RRBP1: variants seen among roughly 807,000 people sequenced by gnomAD.
RRBP1 encodes ribosome-binding protein 1.
Under a neutral mutation model 165.2 loss-of-function variants are expected in RRBP1, and 94 were observed. The observed-to-expected ratio is 0.57, with a 90% CI of 0.48 to 0.68. The LOEUF is 0.68. Among genes scored for constraint, RRBP1 ranks in the 30% least tolerant of loss-of-function variants. The pLI, the probability that RRBP1 is intolerant of heterozygous loss-of-function variation, is 0.00. For missense variants in RRBP1, 1,676 were observed against 1,763.0 expected (o/e 0.95, Z 0.88); for synonymous variants, 680 against 714.5 (o/e 0.95, Z 0.77).
chr20:17,675,978 CAGG>C (rs1257672445), intron 2 of RRBP1, among the ~76,000 whole-genome samples: 2 of 152,224 alleles, frequency 1.3e-5, no homozygotes, highest in Non-Finnish European at 2.9e-5. Context: ...GTGGCCAAGG[CAGG>C]AGGACTCCTT....
chr20:17,641,737 G>C lies in RRBP1; in HGVS notation c.2184+60C>G, dbSNP rs942838815. ...GGAGCCCGGGATCCACCGTGGATGG[G>C]GCGGGGGTCCTCTGAGGACGGGAGA... is the stretch of plus-strand genomic sequence containing the variant. On this transcript the variant is annotated intron_variant, in intron 5 of 24. Coordinates refer to ENST00000377813, the MANE Select transcript of RRBP1 (RefSeq NM_001365613.2). 1.9e-6 allele frequency: 3 copies of C among 1,598,592 alleles called. No homozygotes were observed. In the African/African-American group the frequency reaches 4.0e-5, roughly 21 times the overall value.
Position 17,620,390 on chromosome 20 carries a change from C to T in RRBP1, c.3508-20G>A, listed in dbSNP as rs780406269. Reference sequence around the variant, plus strand: ...CCGGGACTACAAAGCAAGGGGAAGGCTCCGTCAGACACGAGCACCTGGGGG... The same window carrying T: ...CCGGGACTACAAAGCAAGGGGAAGGTTCCGTCAGACACGAGCACCTGGGGG... On this transcript the variant is annotated intron_variant, in intron 17 of 24. Transcript: ENST00000377813. 5.0e-6 allele frequency: 8 copies of T among 1,604,994 alleles called. 1 individual carries two copies. The Middle Eastern group carries it at 8.3e-4, about 166-fold the overall frequency.
At chr20:17,680,347 C>A (rs1030832815) in intron 1 of RRBP1, among the ~76,000 whole-genome samples, 1 of 152,146 alleles carries the variant, frequency 6.6e-6, no homozygotes, top group African/African-American at 2.4e-5. Flanking sequence ...ACACCCAGTT[C>A]TGAAGAGGTA....
intron 17 of RRBP1, 125 bp downstream of exon 17, chr20:17,620,590 T>C (rs779540145): frequency 1.8e-5 from 15 of 820,178 alleles, no homozygotes; most frequent in Admixed American, 9.9e-5. Flanking sequence ...CTGTGCTTCA[T>C]AGGGTGTCGT....
At chr20:17,657,571 AAAAAG>A (rs1040726747) in intron 3 of RRBP1, among the ~76,000 whole-genome samples, 3 of 152,128 alleles carry the variant, frequency 2.0e-5, no homozygotes, top group African/African-American at 4.8e-5. Flanking sequence ...AAAGAAAGGA[AAAAAG>A]AAAAGAAAAG....
chr20:17,646,639 C>A (rs905129383), intron 3 of RRBP1, among the ~76,000 whole-genome samples: 3 of 152,198 alleles, frequency 2.0e-5, no homozygotes, highest in African/African-American at 4.8e-5. Flanking sequence ...GCATGGCCGG[C>A]CTTCAAGCAG....
chr20:17,628,842 T>A (rs1419296764), intron 9 of RRBP1, among the ~76,000 whole-genome samples: 2 of 152,224 alleles, frequency 1.3e-5, no homozygotes, highest in Non-Finnish European at 2.9e-5. Flanking sequence ...CCTCCATTTT[T>A]CCAAGTGATA....
At chr20:17,662,045 G>A (rs1196245104) in intron 2 of RRBP1, among the ~76,000 whole-genome samples, 1 of 152,142 alleles carries the variant, frequency 6.6e-6, no homozygotes, top group Non-Finnish European at 1.5e-5. Flanking sequence ...GGCAGATCAC[G>A]AGGTCAGGAG....
Position 17,658,755 on chromosome 20 carries a change from T to C in RRBP1, c.1753A>G (p.Asn585Asp), listed in dbSNP as rs1398322234. ...SEGKKAEGSPNQGKKADAAAN... is the reference protein window; with the variant it reads ...SEGKKAEGSPDQGKKADAAAN... The stretch of plus-strand genomic sequence containing the variant: ...GCTGCGTCTGCCTTTTTGCCTTGGT[T>C]GGGGGACCCTTCTGCCTTTTTGCCT... The change falls in exon 3 of 25, where the codon AAC becomes GAC. Residue 585 changes from asparagine to aspartate, a missense_variant. This residue lies in a region of RRBP1 where 1,184 missense variants were observed against 1,167.1 expected (regional missense o/e 1.01). Transcript: ENST00000377813. 1 of 1,612,214 alleles carries C rather than the reference T, an allele frequency of 6.2e-7. No individual in the cohort carries two copies. The highest frequency in any genetic ancestry group is 8.5e-7 in the Non-Finnish European group (1 of 1,178,276).
intron 2 of RRBP1, among the ~76,000 whole-genome samples, chr20:17,676,534 C>G (rs918169574): frequency 1.3e-5 from 2 of 152,206 alleles, no homozygotes; most frequent in African/African-American, 2.4e-5. Flanking sequence ...GTGGGACAAG[C>G]TGATGACTAG....
At position 17,639,230 on chromosome 20, in the gene RRBP1, G is replaced by A. The variant is rs113063829; in HGVS notation, c.2185-2501C>T. Among the ~76,000 whole-genome samples the A allele has an allele frequency of 7.4e-3, 1,124 of 152,278 alleles. 15 individuals are homozygous for A. The highest frequency in any genetic ancestry group is 0.026 in the African/African-American group (1,061 of 41,568). ...CAGCCAGGACAGAGTTCTCAAGGGC[G>A]TCTGAGCCCATCAACTCCTGCAGAC... is the stretch of plus-strand genomic sequence containing the variant. On this transcript the variant is annotated intron_variant, in intron 5 of 24. Coordinates refer to ENST00000377813, the MANE Select transcript of RRBP1 (RefSeq NM_001365613.2).
chr20:17,627,279 G>T, intron 11 of RRBP1, 69 bp downstream of exon 11: 1 of 1,536,412 alleles, frequency 6.5e-7, no homozygotes, highest in Non-Finnish European at 8.9e-7. Context: ...GAAAACCCTG[G>T]CCCCCCAAGG....
rs777357541 is a variant in RRBP1, at chr20:17,619,746, C to G, written c.3580-18G>C. 6.4e-7 allele frequency: 1 copy of G among 1,567,996 alleles called. No individual in the cohort carries two copies. On this transcript the variant is annotated intron_variant, in intron 18 of 24. Coordinates refer to ENST00000377813, the MANE Select transcript of RRBP1 (RefSeq NM_001365613.2). ...TCCCTCACCTGGACAGATGCACAGACACGCACACGCATGCGCCAGCAGCCT... is the reference window on the plus strand; with the variant it reads ...TCCCTCACCTGGACAGATGCACAGAGACGCACACGCATGCGCCAGCAGCCT...
In RRBP1 at chr20:17,614,112, G is replaced by A; in HGVS notation, c.*70C>T. 6.6e-7 allele frequency: 1 copy of A among 1,512,906 alleles called. No homozygotes were observed. Among genetic ancestry groups the A allele is most frequent in the Non-Finnish European group, 9.2e-7 (1 of 1,088,254 alleles). 93.7% of individuals were successfully genotyped at this position (1,512,906 alleles called of 1,614,324 possible). On this transcript the variant is annotated 3_prime_UTR_variant, in exon 25 of 25. Coordinates refer to ENST00000377813, the MANE Select transcript of RRBP1 (RefSeq NM_001365613.2). ...TGGATAACGCTGTGTAGGTTGGTTG[G>A]TTTATTTGTAAGGAATGTGTAAGGC... is the stretch of plus-strand genomic sequence containing the variant.
At position 17,627,371 on chromosome 20, in the gene RRBP1, C is replaced by T. The variant is rs113182534; in HGVS notation, c.2940G>A (p.Ala980=). The change falls in exon 11 of 25, where the codon GCG becomes GCA. Residue 980 remains alanine, a synonymous_variant. Coordinates refer to ENST00000377813, the MANE Select transcript of RRBP1 (RefSeq NM_001365613.2). The part of the protein sequence containing the change: ...RDAQDVQASQ[A]EADQQQTRLK... ...ACCGAGTCTGCTGCTGGTCAGCCTC[C>T]GCCTGGCTGGCCTGGAATGAGAGAC... The T allele has an allele frequency of 2.3e-5, 37 of 1,613,832 alleles. No individual in the cohort carries two copies. Among genetic ancestry groups the T allele is most frequent in the East Asian group, 1.1e-4 (5 of 44,880 alleles).
At chr20:17,674,780 TC>T (rs919770991) in intron 2 of RRBP1, among the ~76,000 whole-genome samples, 1 of 151,754 alleles carries the variant, frequency 6.6e-6, no homozygotes, top group African/African-American at 2.4e-5. Context: ...TTCTCCCTTC[TC>T]CCCCTAAGGA....
chr20:17,617,624 A>C (rs2035826948), intron 20 of RRBP1, among the ~76,000 whole-genome samples: 1 of 152,226 alleles, frequency 6.6e-6, no homozygotes, highest in Admixed American at 6.5e-5. Flanking sequence ...TGTCACCCAG[A>C]CTTCGCTCAG....
At chr20:17,639,515 A>C (rs1160250199) in intron 5 of RRBP1, among the ~76,000 whole-genome samples, 2 of 152,220 alleles carry the variant, frequency 1.3e-5, no homozygotes, top group Admixed American at 6.5e-5. Flanking sequence ...GGATTAAGGT[A>C]AGAGGAACTG....
chr20:17,662,713 C>T (rs2036788604), intron 2 of RRBP1, among the ~76,000 whole-genome samples: 4 of 151,544 alleles, frequency 2.6e-5, no homozygotes, highest in Admixed American at 1.3e-4. Context: ...GCACCCTGCT[C>T]AGCCATGGAT....
Sources: gnomAD v4.1 joint callset for allele counts (sites outside exome capture counted in the v4.1 genomes callset) on GRCh38, gnomAD v4.1.1 for gene constraint, gnomAD v4.1.1 regional missense constraint, MANE v1.5 for transcripts, NCBI Gene and HGNC (gene_info 2026-07-23, HGNC 2026-07-21) for gene names.